SNTG2: variants seen among roughly 807,000 people sequenced by gnomAD.
SNTG2 encodes gamma-2-syntrophin.
A neutral mutation model predicts 70.9 loss-of-function variants in SNTG2; 74 were observed. That is an observed-to-expected ratio of 1.04 (90% CI 0.86 to 1.27). The LOEUF (loss-of-function observed/expected upper bound fraction) is 1.27, where lower values mean the gene tolerates loss of function less well. Ranked by LOEUF, SNTG2 falls within the 50% of genes most tolerant of loss-of-function variation. The pLI, the probability that SNTG2 is intolerant of heterozygous loss-of-function variation, is 0.00. For missense variants in SNTG2, 717 were observed against 690.7 expected (o/e 1.04, Z -0.43); for synonymous variants, 278 against 273.8 (o/e 1.02, Z -0.15).
intron 4 of SNTG2, among the ~76,000 whole-genome samples, chr2:1,134,115 G>T (rs868686717): frequency 2.0e-5 from 3 of 152,102 alleles, no homozygotes; most frequent in Non-Finnish European, 4.4e-5. Flanking sequence ...TTGTGGTCTC[G>T]CTGGCTTCAG....
chr2:1,234,248 C>T (rs1676459949), intron 9 of SNTG2, among the ~76,000 whole-genome samples: 1 of 152,220 alleles, frequency 6.6e-6, no homozygotes, highest in Non-Finnish European at 1.5e-5. Flanking sequence ...GTGACTTACA[C>T]TAGTTACCCG....
intron 14 of SNTG2, among the ~76,000 whole-genome samples, 151 bp downstream of exon 14, chr2:1,267,722 C>G (rs550071419): frequency 6.6e-6 from 1 of 150,764 alleles, no homozygotes; most frequent in Non-Finnish European, 1.5e-5. Flanking sequence ...AATGATCGTT[C>G]GCACGGAGTC....
intron 1 of SNTG2, among the ~76,000 whole-genome samples, chr2:997,709 C>T (rs1180716295): frequency 1.3e-5 from 2 of 152,178 alleles, no homozygotes; most frequent in Non-Finnish European, 2.9e-5. Flanking sequence ...ACATAGACCC[C>T]CCTCTGGGGC....
intron 16 of SNTG2, among the ~76,000 whole-genome samples, chr2:1,326,532 A>T (rs1681767131): frequency 6.6e-6 from 1 of 152,236 alleles, no homozygotes; most frequent in Non-Finnish European, 1.5e-5. Flanking sequence ...GATAGAGAGG[A>T]TATGCAGTTT....
intron 14 of SNTG2, among the ~76,000 whole-genome samples, chr2:1,306,112 C>T (rs569428660): frequency 1.1e-4 from 17 of 152,320 alleles, no homozygotes; most frequent in Admixed American, 9.2e-4. Context: ...CCTTATCACA[C>T]TCTGGGTCAG....
chr2:1,173,009 A>C (rs1312593425), intron 7 of SNTG2, 83 bp from the exon 8 acceptor site: 1 of 1,263,928 alleles, frequency 7.9e-7, no homozygotes, highest in Non-Finnish European at 1.1e-6. Flanking sequence ...TCCCATGCAC[A>C]GGTAGAACTG....
Position 1,131,872 on chromosome 2 carries a change from G to T in SNTG2, c.326-5750G>T, listed in dbSNP as rs904641848. On this transcript the variant is annotated intron_variant, in intron 4 of 16. Transcript: ENST00000308624. ...TCACTGTGTTAGCCAGGATGGTCTC[G>T]ATCTCCTGACCTCGTGATCCGCCCG... is the stretch of plus-strand genomic sequence containing the variant. Among the ~76,000 whole-genome samples the T allele has an allele frequency of 2.0e-5, 3 of 151,888 alleles. No individual in the cohort carries two copies. In the East Asian group the frequency reaches 5.8e-4, roughly 29 times the overall value.
chr2:1,056,259 GGGGA>G (rs1271321027), intron 1 of SNTG2, among the ~76,000 whole-genome samples: 2 of 98,614 alleles, frequency 2.0e-5, no homozygotes, highest in Non-Finnish European at 4.0e-5. Context: ...ACTGTGCTGT[GGGGA>G]GGGAGGGAGG....
In SNTG2 at chr2:1,355,402, T is replaced by C. The variant is rs72772245; in HGVS notation, c.1489-11941T>C. On this transcript the variant is annotated intron_variant, in intron 16 of 16. Transcript: ENST00000308624. ...CCATGCTACTCCCCCTTCTGAGAGATTGACCCTGTTAGATTCCATATATAA... is the reference window on the plus strand; with the variant it reads ...CCATGCTACTCCCCCTTCTGAGAGACTGACCCTGTTAGATTCCATATATAA... Among the ~76,000 whole-genome samples the C allele has an allele frequency of 6.0e-3, 916 of 152,300 alleles. 7 individuals are homozygous for C. The highest frequency in any genetic ancestry group is 0.014 in the Middle Eastern group (4 of 294).
chr2:972,454 G>C (rs187259007), intron 1 of SNTG2, among the ~76,000 whole-genome samples: 1 of 152,284 alleles, frequency 6.6e-6, no homozygotes, highest in African/African-American at 2.4e-5. Context: ...AGTAACTCCT[G>C]CTTTTTTTTA....
In SNTG2 at chr2:1,154,349, G is replaced by A. The variant is rs186181166; in HGVS notation, c.412-11199G>A. Among the ~76,000 whole-genome samples, 103 of 152,336 alleles carry A rather than the reference G, an allele frequency of 6.8e-4. 1 individual carries two copies. Among genetic ancestry groups the A allele is most frequent in the East Asian group, 1.2e-3 (6 of 5,184 alleles). On this transcript the variant is annotated intron_variant, in intron 6 of 16. Transcript: ENST00000308624. ...CTGCCTGTCCTTCCAGTTTTAAGGC[G>A]AGCGGGATGGGACGCCAAAGCACAC...
intron 2 of SNTG2, among the ~76,000 whole-genome samples, chr2:1,096,864 G>T (rs1323167333): frequency 3.3e-5 from 5 of 152,128 alleles, no homozygotes; most frequent in Non-Finnish European, 5.9e-5. Flanking sequence ...CTGAGAATGT[G>T]GATGCAATGA....
intron 16 of SNTG2, among the ~76,000 whole-genome samples, chr2:1,333,192 C>T (rs1375513463): frequency 1.3e-5 from 2 of 152,130 alleles, no homozygotes; most frequent in African/African-American, 4.8e-5. Context: ...AGAACTCAAT[C>T]GCTTTTACAA....
chr2:1,225,411 C>G (rs1327520096), intron 9 of SNTG2, among the ~76,000 whole-genome samples: 2 of 152,128 alleles, frequency 1.3e-5, no homozygotes, highest in Non-Finnish European at 2.9e-5. Flanking sequence ...TGAAAAGAAT[C>G]AGGATGCTTT....
chr2:1,118,998 G>A (rs1374880768), intron 4 of SNTG2, among the ~76,000 whole-genome samples: 1 of 151,770 alleles, frequency 6.6e-6, no homozygotes, highest in Non-Finnish European at 1.5e-5. Context: ...AAAAGTCAAA[G>A]GCAAAAAAAG....
At position 988,061 on chromosome 2, in the gene SNTG2, C is replaced by T. The variant is rs191242562; in HGVS notation, c.72+36993C>T. Among the ~76,000 whole-genome samples, 691 of 152,350 alleles carry T rather than the reference C, an allele frequency of 4.5e-3. 6 individuals carry two copies. Among genetic ancestry groups the T allele is most frequent in the African/African-American group, 0.014 (600 of 41,584 alleles). ...CCTCATCACCTCATGGGGAGCCTCCCGCCCCTTTGGCAGGACGCAGTCACA... is the reference window on the plus strand; with the variant it reads ...CCTCATCACCTCATGGGGAGCCTCCTGCCCCTTTGGCAGGACGCAGTCACA... On this transcript the variant is annotated intron_variant, in intron 1 of 16. Coordinates refer to ENST00000308624, the MANE Select transcript of SNTG2 (RefSeq NM_018968.4).
At chr2:1,027,357 T>C (rs1278720811) in intron 1 of SNTG2, among the ~76,000 whole-genome samples, 3 of 141,594 alleles carry the variant, frequency 2.1e-5, no homozygotes, top group South Asian at 2.3e-4. Context: ...ATTGAAGGTG[T>C]GTCTGACCCA....
intron 9 of SNTG2, among the ~76,000 whole-genome samples, chr2:1,215,162 G>C (rs750720125): frequency 6.6e-5 from 10 of 152,246 alleles, no homozygotes; most frequent in Middle Eastern, 3.4e-3. Flanking sequence ...ATGTTTGCAC[G>C]TATGTTCATC....
At chr2:1,228,903 C>G (rs890437147) in intron 9 of SNTG2, among the ~76,000 whole-genome samples, 2 of 152,098 alleles carry the variant, frequency 1.3e-5, no homozygotes, top group African/African-American at 2.4e-5. Flanking sequence ...CGTGGTCTCG[C>G]TGGCTCAGGA....
Sources: gnomAD v4.1 joint callset for allele counts (sites outside exome capture counted in the v4.1 genomes callset) on GRCh38, gnomAD v4.1.1 for gene constraint, MANE v1.5 for transcripts, NCBI Gene and HGNC (gene_info 2026-07-23, HGNC 2026-07-21) for gene names.